The following OBI1 variants were observed in gnomAD, a reference collection of about 807,000 sequenced individuals.
The protein encoded by OBI1 is ORC ubiquitin ligase 1, also known as ring finger protein 219.
OBI1 carries 59 observed loss-of-function variants against 62.4 expected under a neutral mutation model. That is an observed-to-expected ratio of 0.95 (90% confidence interval 0.77 to 1.17). The LOEUF is 1.17. Among genes scored for constraint, OBI1 ranks in the 50% most tolerant of loss-of-function variants. The pLI is 0.00. For missense variants in OBI1, 875 were observed against 830.9 expected (o/e 1.05, Z -0.65); for synonymous variants, 302 against 292.8 (o/e 1.03, Z -0.32).
Position 78,616,524 on chromosome 13 carries a change from C to CTT in OBI1, c.1235_1236dup (p.Ala413LysfsTer36). 1 of 1,614,140 alleles carries CTT rather than the reference C, an allele frequency of 6.2e-7. No individual in the cohort carries two copies. The highest frequency in any genetic ancestry group is 8.5e-7 in the Non-Finnish European group (1 of 1,180,022). On this transcript the variant is annotated frameshift_variant, in exon 6 of 6. Coordinates refer to ENST00000282003, the MANE Select transcript of OBI1 (RefSeq NM_024546.4). LOFTEE classifies it high-confidence loss of function. ...TTTGAGTGCTTTTTGGAACCTCCTG[C>CTT]TTGGACCACAGAGCTCTCTCTATTT...
intron 3 of OBI1, among the ~76,000 whole-genome samples, chr13:78,639,622 G>C (rs981204524): frequency 2.7e-5 from 4 of 146,710 alleles, no homozygotes; most frequent in African/African-American, 1.0e-4. Flanking sequence ...ACTGGATTAA[G>C]AAAATGTGGC....
At chr13:78,643,964 C>T (rs532128632) in intron 2 of OBI1, among the ~76,000 whole-genome samples, 1 of 152,224 alleles carries the variant, frequency 6.6e-6, no homozygotes, top group East Asian at 1.9e-4. Flanking sequence ...AAATAAATAA[C>T]TTATATGAGT....
intron 1 of OBI1, among the ~76,000 whole-genome samples, chr13:78,652,399 C>CA (rs397694037): frequency 0.27 from 37,928 of 138,382 alleles, 5,019 homozygotes; most frequent in East Asian, 0.33. Flanking sequence ...CTTCCCAAGA[C>CA]AAAAAAAAAA....
At chr13:78,643,205 TGAATAAA>T (rs1246231740) in intron 2 of OBI1, among the ~76,000 whole-genome samples, 2 of 152,176 alleles carry the variant, frequency 1.3e-5, no homozygotes, top group African/African-American at 4.8e-5. Flanking sequence ...TAGGTATGAA[TGAATAAA>T]GGTAGGATAT....
chr13:78,624,937 C>T (rs139308523), intron 5 of OBI1, among the ~76,000 whole-genome samples: 230 of 152,278 alleles, frequency 1.5e-3, no homozygotes, highest in African/African-American at 5.4e-3. Flanking sequence ...GCAAAGTTGC[C>T]CAAAACAGGA....
At chr13:78,625,099 C>T (rs1875627888) in intron 5 of OBI1, among the ~76,000 whole-genome samples, 1 of 152,184 alleles carries the variant, frequency 6.6e-6, no homozygotes. Context: ...TCCCTTCAAC[C>T]AACCAAGATC....
intron 4 of OBI1, among the ~76,000 whole-genome samples, chr13:78,638,174 G>A (rs573337359): frequency 1.3e-5 from 2 of 152,250 alleles, no homozygotes; most frequent in East Asian, 3.9e-4. Flanking sequence ...AACATCTAGT[G>A]CTGATGGCAT....
chr13:78,638,694 C>T, intron 4 of OBI1, 129 bp downstream of exon 4: 1 of 815,216 alleles, frequency 1.2e-6, no homozygotes, highest in South Asian at 1.8e-5. Flanking sequence ...CATATAAATG[C>T]TCATCCAGAG....
chr13:78,617,832 G>A (rs1454640031), intron 5 of OBI1, among the ~76,000 whole-genome samples: 1 of 151,248 alleles, frequency 6.6e-6, no homozygotes, highest in African/African-American at 2.4e-5. Flanking sequence ...CAATATACTA[G>A]GCAAAAAAAA....
chr13:78,645,832 G>A (rs9593350), intron 1 of OBI1, among the ~76,000 whole-genome samples: 1 of 151,810 alleles, frequency 6.6e-6, no homozygotes, highest in Non-Finnish European at 1.5e-5. Context: ...CTATTTTTAG[G>A]AGAGACGGGG....
At chr13:78,628,375 G>A (rs1305145857) in intron 5 of OBI1, among the ~76,000 whole-genome samples, 1 of 152,146 alleles carries the variant, frequency 6.6e-6, no homozygotes, top group Non-Finnish European at 1.5e-5. Flanking sequence ...TTATTATTAT[G>A]GTCTTCTGTT....
At position 78,642,141 on chromosome 13, in the gene OBI1, A is replaced by G. The variant is rs369169612; in HGVS notation, c.281T>C (p.Leu94Ser). ...GTTTACCTCATATTCTTTGTGTAGT[A>G]ATTCAAGTCTAGTTTTCCGAAGATG... ...RKHLRKTRLELLHKEYEDEID... is the reference protein window; with the variant it reads ...RKHLRKTRLESLHKEYEDEID... Residue 94 changes from leucine (L) to serine (S), a missense_variant, in exon 3 of 6, where the codon TTA (leucine) becomes TCA (serine). Physicochemically the swap from Leu to Ser is moderately radical, Grantham distance 145. Coordinates refer to ENST00000282003, the MANE Select transcript of OBI1 (RefSeq NM_024546.4). 8 of 1,598,276 alleles carry G rather than the reference A, an allele frequency of 5.0e-6. No homozygotes were observed. Among genetic ancestry groups the G allele is most frequent in the Non-Finnish European group, 6.9e-6 (8 of 1,165,782 alleles).
At chr13:78,626,218 T>C (rs1875662609) in intron 5 of OBI1, among the ~76,000 whole-genome samples, 1 of 152,232 alleles carries the variant, frequency 6.6e-6, no homozygotes, top group African/African-American at 2.4e-5. Context: ...TGCTCTAATG[T>C]GGAGAAAGTT....
At chr13:78,626,031 AC>A (rs1400354870) in intron 5 of OBI1, among the ~76,000 whole-genome samples, 12 of 152,220 alleles carry the variant, frequency 7.9e-5, no homozygotes, top group Non-Finnish European at 1.5e-4. Flanking sequence ...AACTAACTGC[AC>A]AGCTCAGAGT....
intron 4 of OBI1, among the ~76,000 whole-genome samples, chr13:78,637,458 CTTT>C (rs1321430401): frequency 6.6e-6 from 1 of 152,186 alleles, no homozygotes; most frequent in African/African-American, 2.4e-5. Flanking sequence ...ATGTATTCTT[CTTT>C]AATATCCATC....
chr13:78,641,574 A>G (rs1007737259), intron 3 of OBI1, among the ~76,000 whole-genome samples: 1 of 152,186 alleles, frequency 6.6e-6, no homozygotes, highest in Admixed American at 6.5e-5. Context: ...ATGTCCAATC[A>G]TCCTGTTCAT....
intron 5 of OBI1, among the ~76,000 whole-genome samples, chr13:78,629,351 T>G (rs866185686): frequency 3.3e-5 from 5 of 152,150 alleles, no homozygotes; most frequent in South Asian, 2.1e-4. Context: ...TAACCAAGTT[T>G]GATATAAATG....
chr13:78,659,130 C>T lies in OBI1; in HGVS notation c.-10G>A, dbSNP rs1462782879. 1 of 1,608,624 alleles carries T rather than the reference C, an allele frequency of 6.2e-7. No homozygotes were observed. Among genetic ancestry groups the T allele is most frequent in the South Asian group, 1.1e-5 (1 of 90,332 alleles). On this transcript the variant is annotated 5_prime_UTR_variant, in exon 1 of 6. Transcript: ENST00000282003. ...GCACGGTCTGAGCCATGGCAGCGTT[C>T]AGAATCCCGCCAACACGGAAGTCCC...
chr13:78,622,868 G>A (rs539235238), intron 5 of OBI1, among the ~76,000 whole-genome samples: 1 of 152,262 alleles, frequency 6.6e-6, no homozygotes, highest in Non-Finnish European at 1.5e-5. Flanking sequence ...TAGGAAAAGC[G>A]GACAGGGAGG....
Sources: allele counts gnomAD v4.1 joint callset (sites outside exome capture counted in the v4.1 genomes callset), GRCh38; gene constraint gnomAD v4.1.1; transcripts MANE v1.5; gene names NCBI Gene and HGNC (gene_info 2026-07-23, HGNC 2026-07-21).